ITGA8: variants seen among roughly 807,000 people sequenced by gnomAD.
The protein encoded by ITGA8 is integrin subunit alpha 8, also known as integrin alpha-8.
In ITGA8, 91 loss-of-function variants were observed where a neutral mutation model predicts 142.3. The observed-to-expected ratio is 0.64, with a 90% CI of 0.54 to 0.76. The LOEUF (loss-of-function observed/expected upper bound fraction) is 0.76. Among genes scored for constraint, ITGA8 ranks in the 30% least tolerant of loss-of-function variants. The pLI is 0.00. For missense variants in ITGA8, 1,406 were observed against 1,327.7 expected, an observed-to-expected ratio of 1.06 and a Z score of -0.92; for synonymous variants, 505 against 485.2, an observed-to-expected ratio of 1.04 and a Z score of -0.54.
In ITGA8 at chr10:15,586,670, A is replaced by AC; in HGVS notation, c.2292-7dup. On this transcript the variant is annotated splice_region_variant and splice_polypyrimidine_tract_variant and intron_variant, in intron 22 of 29. Transcript: ENST00000378076. ...CTGGATTGTCCTTGTTGGAACTAAA[A>AC]CACAAGGACATGTGATTTAAATCTA... 6.4e-7 allele frequency: 1 copy of AC among 1,558,100 alleles called. No homozygotes were observed. The highest frequency in any genetic ancestry group is 8.9e-7 in the Non-Finnish European group (1 of 1,129,192).
chr10:15,616,448 G>C, intron 14 of ITGA8, 66 bp downstream of exon 14: 1 of 1,193,380 alleles, frequency 8.4e-7, no homozygotes, highest in Non-Finnish European at 1.2e-6. Context: ...TCTCTTTAAG[G>C]CAGAACTAAC....
At chr10:15,613,606 T>C in intron 15 of ITGA8, 54 bp downstream of exon 15, 3 of 1,196,768 alleles carry the variant, frequency 2.5e-6, no homozygotes, top group Non-Finnish European at 3.7e-6. Flanking sequence ...TTTCACAAGA[T>C]ACCCAGGTGA....
chr10:15,694,678 C>CATATAT (rs71374639), intron 2 of ITGA8, among the ~76,000 whole-genome samples: 948 of 77,474 alleles, frequency 0.012, 50 homozygotes, highest in South Asian at 0.033. Flanking sequence ...TATTTGTCGA[C>CATATAT]ATATATATAT....
chr10:15,550,499 A>T (rs73600705), intron 26 of ITGA8, among the ~76,000 whole-genome samples: 8,400 of 152,132 alleles, frequency 0.055, 753 homozygotes, highest in African/African-American at 0.19. Context: ...CAGATGGGGA[A>T]CCCAGATAGC....
At chr10:15,695,965 T>A (rs1835043740) in intron 2 of ITGA8, among the ~76,000 whole-genome samples, 1 of 152,206 alleles carries the variant, frequency 6.6e-6, no homozygotes, top group African/African-American at 2.4e-5. Flanking sequence ...TTCCAGACTT[T>A]CACACCCTAT....
intron 20 of ITGA8, among the ~76,000 whole-genome samples, chr10:15,602,105 G>C (rs898434647): frequency 1.3e-5 from 2 of 152,204 alleles, no homozygotes; most frequent in African/African-American, 4.8e-5. Context: ...TCTGCTAAAA[G>C]AACATTTTAG....
At chr10:15,663,220 T>C (rs936666751) in intron 8 of ITGA8, among the ~76,000 whole-genome samples, 1 of 152,212 alleles carries the variant, frequency 6.6e-6, no homozygotes, top group African/African-American at 2.4e-5. Flanking sequence ...TCTGGTGAGC[T>C]GATTGCGATG....
intron 4 of ITGA8, among the ~76,000 whole-genome samples, chr10:15,682,716 TG>T (rs1834759870): frequency 6.6e-6 from 1 of 151,980 alleles, no homozygotes; most frequent in African/African-American, 2.4e-5. Flanking sequence ...TTAGGCATGG[TG>T]GCACATGCCT....
At chr10:15,715,460 G>A (rs1287328331) in intron 2 of ITGA8, among the ~76,000 whole-genome samples, 2 of 152,174 alleles carry the variant, frequency 1.3e-5, no homozygotes, top group Non-Finnish European at 2.9e-5. Context: ...GAAGGAAGGT[G>A]AGGGGAACAA....
chr10:15,598,310 T>G (rs1588666310), intron 20 of ITGA8, among the ~76,000 whole-genome samples: 1 of 152,366 alleles, frequency 6.6e-6, no homozygotes, highest in South Asian at 2.1e-4. Context: ...TTTATCCATC[T>G]GTCAGCTCTA....
intron 27 of ITGA8, among the ~76,000 whole-genome samples, chr10:15,541,663 G>T (rs1833572459): frequency 6.6e-6 from 1 of 152,210 alleles, no homozygotes; most frequent in East Asian, 1.9e-4. Flanking sequence ...TGATACAAGG[G>T]CTGGGAAGAA....
At chr10:15,639,746 C>T (rs1833836962) in intron 13 of ITGA8, among the ~76,000 whole-genome samples, 1 of 152,204 alleles carries the variant, frequency 6.6e-6, no homozygotes, top group African/African-American at 2.4e-5. Flanking sequence ...TTAAACATGT[C>T]ACTATAGTCT....
rs182824912 is a variant in ITGA8, at chr10:15,641,314, T to C, written c.1399+2716A>G. On this transcript the variant is annotated intron_variant, in intron 13 of 29. Transcript: ENST00000378076. ...TCATCATTTTCTACCATGGTGGAAA[T>C]GGAGGCTTTGAAAGCTAAATGGAAT... Among the ~76,000 whole-genome samples the C allele has an allele frequency of 7.9e-5, 12 of 152,278 alleles. No individual in the cohort carries two copies. The East Asian group carries it at 2.1e-3, about 27-fold the overall frequency.
intron 13 of ITGA8, among the ~76,000 whole-genome samples, chr10:15,636,468 G>A (rs772039720): frequency 4.6e-5 from 7 of 152,146 alleles, no homozygotes; most frequent in Admixed American, 6.5e-5. Flanking sequence ...GCCTAAAAAC[G>A]TATTGGGTGG....
At chr10:15,672,547 C>T in intron 7 of ITGA8, 77 bp downstream of exon 7, 4 of 1,479,844 alleles carry the variant, frequency 2.7e-6, no homozygotes, top group Non-Finnish European at 3.6e-6. Context: ...TCGGATAAGT[C>T]AGGGATAAAA....
intron 8 of ITGA8, 89 bp from the exon 9 acceptor site, chr10:15,661,011 G>A (rs912713264): frequency 2.7e-5 from 33 of 1,227,758 alleles, no homozygotes; most frequent in Non-Finnish European, 3.8e-5. Flanking sequence ...GGTAAAGACA[G>A]TGCTTGTAAA....
chr10:15,644,495 ATT>A (rs35880999), intron 12 of ITGA8, among the ~76,000 whole-genome samples: 30,270 of 44,800 alleles, frequency 0.68, 9,510 homozygotes, highest in South Asian at 0.87. Context: ...TATATATAGA[ATT>A]TTTTTTTTTT....
Position 15,577,609 on chromosome 10 carries a change from T to C in ITGA8, c.2373-2015A>G, listed in dbSNP as rs114672820. The stretch of plus-strand genomic sequence containing the variant: ...GCATGGCTCACAAAATTCAGTTATT[T>C]ACCCACCGAAGACTACTTCAAATCC... On this transcript the variant is annotated intron_variant, in intron 23 of 29. Coordinates refer to ENST00000378076, the MANE Select transcript of ITGA8 (RefSeq NM_003638.3). 3.0e-3 allele frequency among the ~76,000 whole-genome samples: 460 copies of C among 152,276 alleles called. 1 individual carries two copies. The highest frequency in any genetic ancestry group is 0.011 in the African/African-American group (440 of 41,554).
At chr10:15,702,972 T>A (rs762831245) in intron 2 of ITGA8, among the ~76,000 whole-genome samples, 13 of 152,216 alleles carry the variant, frequency 8.5e-5, no homozygotes, top group Admixed American at 2.6e-4. Flanking sequence ...TTTAAGAAGC[T>A]TGTAGACTAT....
Sources: allele counts gnomAD v4.1 joint callset (sites outside exome capture counted in the v4.1 genomes callset), GRCh38; gene constraint gnomAD v4.1.1; transcripts MANE v1.5; gene names NCBI Gene and HGNC (gene_info 2026-07-23, HGNC 2026-07-21).